Variants in SBF2 observed in about 807,000 individuals in gnomAD.
The protein encoded by SBF2 is SET binding factor 2, also known as myotubularin-related protein 13.
A neutral mutation model predicts 225.2 loss-of-function variants in SBF2; 112 were observed. The ratio of observed to expected loss-of-function variants is 0.50; its 90% confidence interval spans 0.43 to 0.58. The LOEUF (loss-of-function observed/expected upper bound fraction) is 0.58. SBF2 is among the 20% of genes least tolerant of loss of function. The probability of loss-of-function intolerance (pLI) is 0.00; values close to 1 mark genes in which losing one functional copy is unlikely to be tolerated. For synonymous variants in SBF2, 763 were observed against 773.3 expected (o/e 0.99, Z 0.22); for missense variants, 1,996 against 2,206.2 (o/e 0.90, Z 1.91).
intron 16 of SBF2, among the ~76,000 whole-genome samples, chr11:9,955,972 G>A (rs1866139143): frequency 6.6e-6 from 1 of 151,990 alleles, no homozygotes; most frequent in Non-Finnish European, 1.5e-5. Flanking sequence ...CCATATTATA[G>A]TTGAATTGTC....
chr11:9,861,157 G>C (rs1857701923), intron 17 of SBF2, among the ~76,000 whole-genome samples: 1 of 152,140 alleles, frequency 6.6e-6, no homozygotes, highest in Non-Finnish European at 1.5e-5. Flanking sequence ...TTTCTTCTGA[G>C]TATCATGCCA....
chr11:9,798,402 TGCTGGGACAGAAGAAGGGGACA>T (rs1853266438), intron 32 of SBF2, among the ~76,000 whole-genome samples: 1 of 152,124 alleles, frequency 6.6e-6, no homozygotes, highest in African/African-American at 2.4e-5. Flanking sequence ...AGATTGTGGA[TGCTGGGACAGAAGAAGGGGACA>T]GGGCAACTAA....
At chr11:9,986,023 T>C (rs1236855245) in intron 13 of SBF2, among the ~76,000 whole-genome samples, 1 of 152,168 alleles carries the variant, frequency 6.6e-6, no homozygotes, top group African/African-American at 2.4e-5. Context: ...AGATAGACCA[T>C]ATCATAGGAC....
chr11:9,794,240 A>G (rs925993144), intron 33 of SBF2, among the ~76,000 whole-genome samples: 3 of 151,968 alleles, frequency 2.0e-5, no homozygotes, highest in Admixed American at 1.3e-4. Context: ...ACAAAAAAAC[A>G]AACCAAAAAA....
chr11:9,942,795 C>A (rs996014153), intron 16 of SBF2, among the ~76,000 whole-genome samples: 1 of 151,242 alleles, frequency 6.6e-6, no homozygotes, highest in Non-Finnish European at 1.5e-5. Context: ...CACATCACTG[C>A]ACTGAAGCCT....
At chr11:10,108,734 C>T (rs950358226) in intron 2 of SBF2, among the ~76,000 whole-genome samples, 16 of 151,442 alleles carry the variant, frequency 1.1e-4, no homozygotes, top group Non-Finnish European at 2.1e-4. Flanking sequence ...CTGTGTTAGC[C>T]AGGATGGTCT....
At chr11:9,793,978 C>G (rs1235841235) in intron 33 of SBF2, among the ~76,000 whole-genome samples, 2 of 152,106 alleles carry the variant, frequency 1.3e-5, no homozygotes, top group African/African-American at 4.8e-5. Flanking sequence ...ATTAAAAAAC[C>G]AAAAACTTAG....
At chr11:9,906,199 C>A (rs529568161) in intron 16 of SBF2, among the ~76,000 whole-genome samples, 56 of 152,240 alleles carry the variant, frequency 3.7e-4, no homozygotes, top group Non-Finnish European at 6.3e-4. Context: ...TCATGAGGCC[C>A]AAGGCAATAA....
intron 26 of SBF2, among the ~76,000 whole-genome samples, chr11:9,833,515 G>C (rs1013045167): frequency 1.3e-5 from 2 of 150,750 alleles, no homozygotes; most frequent in Non-Finnish European, 3.0e-5. Flanking sequence ...CCGCCTCCCG[G>C]GTTCACGCCA....
At chr11:10,083,878 A>ATGG (rs1951456210) in intron 2 of SBF2, among the ~76,000 whole-genome samples, 1 of 152,170 alleles carries the variant, frequency 6.6e-6, no homozygotes, top group Non-Finnish European at 1.5e-5. Context: ...ATGGATGGCC[A>ATGG]TGGTGGCTGA....
At chr11:10,045,552 C>T (rs1402509833) in intron 2 of SBF2, among the ~76,000 whole-genome samples, 2 of 152,204 alleles carry the variant, frequency 1.3e-5, no homozygotes, top group African/African-American at 4.8e-5. Flanking sequence ...TGAAGGGGCT[C>T]ACACAACCTG....
At chr11:9,863,706 T>A (rs1305423744) in intron 17 of SBF2, among the ~76,000 whole-genome samples, 1 of 151,520 alleles carries the variant, frequency 6.6e-6, no homozygotes, top group Non-Finnish European at 1.5e-5. Flanking sequence ...ATCCAAAACC[T>A]GGCTTTATCA....
intron 1 of SBF2, among the ~76,000 whole-genome samples, chr11:10,232,290 G>A (rs74363537): frequency 6.6e-6 from 1 of 152,274 alleles, no homozygotes; most frequent in East Asian, 1.9e-4. Flanking sequence ...TTCAGCTCAC[G>A]CTCGGTGCGC....
chr11:9,834,836 G>A (rs1423488159), intron 26 of SBF2, among the ~76,000 whole-genome samples: 2 of 152,086 alleles, frequency 1.3e-5, no homozygotes, highest in Admixed American at 1.3e-4. Flanking sequence ...TTCAATAATC[G>A]GTAAAGAACG....
intron 2 of SBF2, among the ~76,000 whole-genome samples, chr11:10,070,879 C>A (rs1950839796): frequency 6.6e-6 from 1 of 152,046 alleles, no homozygotes; most frequent in Non-Finnish European, 1.5e-5. Flanking sequence ...CCTTCACATC[C>A]CTTGTAAACT....
At chr11:10,273,252 T>C (rs927031724) in intron 1 of SBF2, among the ~76,000 whole-genome samples, 4 of 152,150 alleles carry the variant, frequency 2.6e-5, no homozygotes, top group Non-Finnish European at 4.4e-5. Context: ...ATGAAAGGGA[T>C]AGGACAAGCT....
intron 2 of SBF2, among the ~76,000 whole-genome samples, chr11:10,088,715 T>C (rs1388245215): frequency 6.6e-6 from 1 of 152,232 alleles, no homozygotes; most frequent in East Asian, 1.9e-4. Context: ...TAATCTATTT[T>C]TGAGGGGGTG....
intron 1 of SBF2, among the ~76,000 whole-genome samples, chr11:10,204,022 G>A (rs954980049): frequency 5.3e-5 from 8 of 151,802 alleles, no homozygotes; most frequent in Admixed American, 3.3e-4. Context: ...TAAACACACT[G>A]ATCATAGAAG....
At chr11:9,863,680 GA>G (rs1448353090) in intron 17 of SBF2, among the ~76,000 whole-genome samples, 2 of 151,800 alleles carry the variant, frequency 1.3e-5, no homozygotes, top group Non-Finnish European at 2.9e-5. Flanking sequence ...AGGAAGACAG[GA>G]ATAGAAAAAA....
Sources: gnomAD v4.1 joint callset for allele counts (sites outside exome capture counted in the v4.1 genomes callset) on GRCh38, gnomAD v4.1.1 for gene constraint, MANE v1.5 for transcripts, NCBI Gene and HGNC (gene_info 2026-07-23, HGNC 2026-07-21) for gene names.